Variants in CRYBG1 observed in about 807,000 individuals in gnomAD.
CRYBG1 encodes the protein crystallin beta-gamma domain containing 1.
Under a neutral mutation model 189.2 loss-of-function variants are expected in CRYBG1, and 139 were observed. The ratio of observed to expected loss-of-function variants is 0.73; its 90% CI spans 0.64 to 0.85. The LOEUF (loss-of-function observed/expected upper bound fraction) is 0.85. CRYBG1 is among the 40% of genes least tolerant of loss of function. The pLI, the probability that CRYBG1 is intolerant of heterozygous loss-of-function variation, is 0.00. For missense variants in CRYBG1, 2,611 were observed against 2,675.8 expected (o/e 0.98, Z 0.53); for synonymous variants, 1,023 against 1,017.1 (o/e 1.01, Z -0.11).
chr6:106,519,266 C>G lies in CRYBG1; in HGVS notation c.2058C>G (p.Asn686Lys). ...NTATKISLFENKRTNSSPRHT... is the reference protein window; with the variant it reads ...NTATKISLFEKKRTNSSPRHT... ...CCACCAAAATCTCCTTATTTGAAAA[C>G]AAACGGACAAACAGTAGCCCAAGAC... The change falls in exon 4 of 22, where the codon AAC (asparagine) becomes AAG (lysine). Residue 686 changes from asparagine to lysine, a missense_variant. By Grantham distance (94) the Asn-to-Lys change is moderately conservative. This residue lies in a region of CRYBG1 where 1,622 missense variants were observed against 1,735.0 expected (regional missense o/e 0.93). Coordinates refer to ENST00000633556, the MANE Select transcript of CRYBG1 (RefSeq NM_001371242.2). 1 of 1,614,144 alleles carries G rather than the reference C, an allele frequency of 6.2e-7. No individual in the cohort carries two copies. Among genetic ancestry groups the G allele is most frequent in the Non-Finnish European group, 8.5e-7 (1 of 1,180,032 alleles).
chr6:106,509,505 C>T (rs1291140181), intron 2 of CRYBG1, among the ~76,000 whole-genome samples: 1 of 152,186 alleles, frequency 6.6e-6, no homozygotes, highest in Admixed American at 6.5e-5. Flanking sequence ...ACAAGAGCTC[C>T]GAGCGGCTGC....
intron 1 of CRYBG1, among the ~76,000 whole-genome samples, chr6:106,427,716 T>G (rs73763948): frequency 0.033 from 5,017 of 152,290 alleles, 282 homozygotes; most frequent in African/African-American, 0.12. Flanking sequence ...GAGGGATTCT[T>G]GAAAAACCTA....
In CRYBG1 at chr6:106,519,007, A is replaced by ACACC. The variant is rs1554188433; in HGVS notation, c.1923-123_1923-122insACCC. The ACACC allele has an allele frequency of 2.0e-4, 205 of 1,027,186 alleles. 2 individuals carry two copies. The African/African-American group carries it at 3.0e-3, about 15-fold the overall frequency. 63.6% of individuals were successfully genotyped at this position (1,027,186 alleles called of 1,614,324 possible). A position where few individuals can be genotyped will look rare whatever the true frequency, so the allele number is the denominator to read the frequency against. On this transcript the variant is annotated intron_variant, in intron 3 of 21. Coordinates refer to ENST00000633556, the MANE Select transcript of CRYBG1 (RefSeq NM_001371242.2). ...CACACACACATACACACACACACAC[A>ACACC]CCACACTCCAAATGTTATATATCAG...
At chr6:106,557,294 C>CA (rs1262777694) in intron 17 of CRYBG1, among the ~76,000 whole-genome samples, 1 of 152,144 alleles carries the variant, frequency 6.6e-6, no homozygotes, top group Non-Finnish European at 1.5e-5. Flanking sequence ...TACTGATGGA[C>CA]AAAATCTTTT....
chr6:106,415,416 C>G (rs999765693), intron 1 of CRYBG1, among the ~76,000 whole-genome samples: 1 of 152,142 alleles, frequency 6.6e-6, no homozygotes, highest in African/African-American at 2.4e-5. Flanking sequence ...GAACAAAAGT[C>G]CTTCTGCTTA....
At chr6:106,469,669 A>G (rs1772189623) in intron 2 of CRYBG1, among the ~76,000 whole-genome samples, 1 of 152,172 alleles carries the variant, frequency 6.6e-6, no homozygotes, top group Admixed American at 6.5e-5. Context: ...CAGTTTTGTA[A>G]TCGTTGATAT....
chr6:106,520,216 C>T lies in CRYBG1; in HGVS notation c.3008C>T (p.Ala1003Val), dbSNP rs61740946. 4,591 of 1,614,144 alleles carry T rather than the reference C, an allele frequency of 2.8e-3. 118 individuals are homozygous for T. In the African/African-American group the frequency reaches 0.055, roughly 19 times the overall value. ...GAAGTGGTTTCCGTTGCAAGTTGTG[C>T]TCCCCCACAAGAGGAAGTACTGGGC... is the stretch of plus-strand genomic sequence containing the variant. ...EPEVVSVASC[A>V]PPQEEVLGNE... is the part of the protein sequence containing the mutation. The change falls in exon 4 of 22, where the codon GCT (alanine) becomes GTT (valine). Residue 1003 changes from alanine (A) to valine (V), a missense_variant. Ala to Val is a moderately conservative substitution (Grantham distance 64, BLOSUM62 0). This residue lies in a region of CRYBG1 where 1,622 missense variants were observed against 1,735.0 expected (regional missense o/e 0.93). Coordinates refer to ENST00000633556, the MANE Select transcript of CRYBG1 (RefSeq NM_001371242.2).
At chr6:106,566,578 TCTC>T (rs1217108411) in intron 21 of CRYBG1, among the ~76,000 whole-genome samples, 2 of 146,092 alleles carry the variant, frequency 1.4e-5, no homozygotes, top group East Asian at 2.1e-4. Context: ...TTCAAGCAAT[TCTC>T]CTGCCTTAGC....
intron 2 of CRYBG1, among the ~76,000 whole-genome samples, chr6:106,491,461 C>T (rs1028238195): frequency 6.6e-6 from 1 of 152,182 alleles, no homozygotes; most frequent in Non-Finnish European, 1.5e-5. Context: ...GTGAAACCTA[C>T]ATGGTTTGTG....
Position 106,442,752 on chromosome 6 carries a change from A to C in CRYBG1, c.174-8942A>C, listed in dbSNP as rs73761803. ...TGTTATTATATGCCACGGCAGAAAC[A>C]AAGGGACTCATACCCAGGAGCCCCT... On this transcript the variant is annotated intron_variant, in intron 1 of 21. Coordinates refer to ENST00000633556, the MANE Select transcript of CRYBG1 (RefSeq NM_001371242.2). Among the ~76,000 whole-genome samples, 480 of 152,310 alleles carry C rather than the reference A, an allele frequency of 3.2e-3. 3 individuals carry two copies. Among genetic ancestry groups the C allele is most frequent in the African/African-American group, 0.011 (460 of 41,568 alleles).
chr6:106,560,822 G>T lies in CRYBG1; in HGVS notation c.5875G>T (p.Gly1959Cys), dbSNP rs1774695264. 2 of 1,612,216 alleles carry T rather than the reference G, an allele frequency of 1.2e-6. No homozygotes were observed. Among genetic ancestry groups the T allele is most frequent in the South Asian group, 2.2e-5 (2 of 90,512 alleles). Reference protein sequence around the residue: ...IGGIWVTYEYGSYRGRQFLLS... With the variant: ...IGGIWVTYEYCSYRGRQFLLS... ...TTTCAGATGGGTTACTTATGAATAT[G>T]GCAGTTACAGAGGGCGACAGTTCCT... Residue 1959 changes from glycine to cysteine, a missense_variant, in exon 19 of 22, where the codon GGC becomes TGC. Physicochemically the swap from Gly to Cys is radical, Grantham distance 159. This residue lies in a region of CRYBG1 where 1,622 missense variants were observed against 1,735.0 expected (regional missense o/e 0.93). Transcript: ENST00000633556.
intron 1 of CRYBG1, among the ~76,000 whole-genome samples, chr6:106,422,394 C>T (rs1293975335): frequency 6.8e-6 from 1 of 147,588 alleles, no homozygotes; most frequent in African/African-American, 2.5e-5. Flanking sequence ...TGCAGTGGCA[C>T]CATCATGTCT....
chr6:106,464,834 AAT>A (rs536693116), intron 2 of CRYBG1, among the ~76,000 whole-genome samples: 1 of 152,216 alleles, frequency 6.6e-6, no homozygotes, highest in African/African-American at 2.4e-5. Context: ...ATTTCACCAA[AAT>A]ATATATGTTA....
intron 1 of CRYBG1, among the ~76,000 whole-genome samples, chr6:106,381,316 T>C (rs1251733626): frequency 6.6e-6 from 1 of 152,202 alleles, no homozygotes; most frequent in Non-Finnish European, 1.5e-5. Context: ...TCATAGTGTC[T>C]TGTGGCCAAA....
At chr6:106,496,445 T>A (rs1363901808) in intron 2 of CRYBG1, among the ~76,000 whole-genome samples, 4 of 152,226 alleles carry the variant, frequency 2.6e-5, no homozygotes, top group African/African-American at 7.2e-5. Context: ...GCTCTTCATC[T>A]TCCCCTAGAA....
intron 1 of CRYBG1, among the ~76,000 whole-genome samples, chr6:106,369,041 T>C (rs1240043910): frequency 6.6e-6 from 1 of 152,212 alleles, no homozygotes; most frequent in African/African-American, 2.4e-5. Flanking sequence ...ATGTGACACA[T>C]AATATATTTT....
At chr6:106,552,246 TATATAA>T in intron 15 of CRYBG1, 30 bp downstream of exon 15, 1 of 1,391,586 alleles carries the variant, frequency 7.2e-7, no homozygotes, top group Non-Finnish European at 9.8e-7. Flanking sequence ...TTTATATTAA[TATATAA>T]AGGGCCTTCC....
At chr6:106,443,708 A>ATT (rs5878890) in intron 1 of CRYBG1, among the ~76,000 whole-genome samples, 1 of 151,198 alleles carries the variant, frequency 6.6e-6, no homozygotes, top group Admixed American at 6.6e-5. Flanking sequence ...TAACCACATA[A>ATT]TTTTTTTTTC....
At chr6:106,422,339 TA>T (rs1771144339) in intron 1 of CRYBG1, among the ~76,000 whole-genome samples, 2 of 123,972 alleles carry the variant, frequency 1.6e-5, no homozygotes, top group Admixed American at 1.8e-4. Flanking sequence ...TTTATTTATT[TA>T]TTTATTTTTG....
Sources: allele counts gnomAD v4.1 joint callset (sites outside exome capture counted in the v4.1 genomes callset), GRCh38; gene constraint gnomAD v4.1.1; regional missense constraint gnomAD v4.1.1; transcripts MANE v1.5; gene names NCBI Gene and HGNC (gene_info 2026-07-23, HGNC 2026-07-21).